Variants in CPNE4 observed in about 807,000 individuals in gnomAD.
CPNE4 encodes the protein copine-4.
A neutral mutation model predicts 67.9 loss-of-function variants in CPNE4; 25 were observed. The ratio of observed to expected loss-of-function variants is 0.37; its 90% CI spans 0.27 to 0.51. CPNE4 has a LOEUF of 0.51. Ranked by LOEUF, CPNE4 falls within the 20% of genes least tolerant of loss-of-function variation. CPNE4 has a pLI of 0.93. For synonymous variants in CPNE4, 242 were observed against 244.9 expected (o/e 0.99, Z 0.11); for missense variants, 464 against 690.8 (o/e 0.67, Z 3.68).
intron 2 of CPNE4, among the ~76,000 whole-genome samples, chr3:131,817,234 T>C (rs1436363390): frequency 6.6e-6 from 1 of 152,096 alleles, no homozygotes; most frequent in Non-Finnish European, 1.5e-5. Flanking sequence ...GTAGCCGTGA[T>C]GTGCAGTTTG....
At chr3:131,824,847 G>A (rs2085092900) in intron 2 of CPNE4, among the ~76,000 whole-genome samples, 1 of 152,044 alleles carries the variant, frequency 6.6e-6, no homozygotes, top group Non-Finnish European at 1.5e-5. Flanking sequence ...GCAAATTGGG[G>A]AGCAGGAAGC....
intron 7 of CPNE4, among the ~76,000 whole-genome samples, chr3:131,653,310 A>G (rs149662492): frequency 0.014 from 2,024 of 148,722 alleles, 42 homozygotes; most frequent in African/African-American, 0.048. Flanking sequence ...ACGCCTGGCT[A>G]ATTTTTTTGT....
At chr3:131,852,651 C>A (rs1018292616) in intron 2 of CPNE4, among the ~76,000 whole-genome samples, 1 of 151,528 alleles carries the variant, frequency 6.6e-6, no homozygotes, top group Non-Finnish European at 1.5e-5. Flanking sequence ...TAGTGTACTG[C>A]ATGTTTCAGC....
intron 1 of CPNE4, among the ~76,000 whole-genome samples, chr3:131,912,448 TAGTACATCC>T (rs147966872): frequency 0.019 from 2,834 of 151,944 alleles, 44 homozygotes; most frequent in Non-Finnish European, 0.029. Flanking sequence ...TAAAATGTCA[TAGTACATCC>T]AGGGAAGGCT....
intron 1 of CPNE4, among the ~76,000 whole-genome samples, chr3:131,975,923 T>A (rs1201881591): frequency 6.6e-6 from 1 of 151,984 alleles, no homozygotes. Context: ...AAACAATAAA[T>A]TAAATAATTT....
intron 7 of CPNE4, among the ~76,000 whole-genome samples, chr3:131,657,025 C>G (rs2079989634): frequency 6.6e-6 from 1 of 152,238 alleles, no homozygotes; most frequent in Admixed American, 6.5e-5. Flanking sequence ...ACCGTAAGCC[C>G]TTTCAATGCC....
intron 8 of CPNE4, among the ~76,000 whole-genome samples, chr3:131,585,257 T>C (rs1390815089): frequency 2.0e-5 from 3 of 152,242 alleles, no homozygotes; most frequent in Non-Finnish European, 2.9e-5. Context: ...CATTCTATCC[T>C]GACTCCCACC....
chr3:131,872,614 T>A (rs916362751), intron 2 of CPNE4, among the ~76,000 whole-genome samples: 11 of 152,188 alleles, frequency 7.2e-5, no homozygotes, highest in African/African-American at 2.4e-4. Flanking sequence ...AAATAATCAG[T>A]CACCCTGTGA....
intron 2 of CPNE4, among the ~76,000 whole-genome samples, chr3:131,773,814 C>T (rs1368892778): frequency 2.0e-5 from 3 of 152,062 alleles, no homozygotes; most frequent in Non-Finnish European, 4.4e-5. Flanking sequence ...TGTGAAATCT[C>T]GCATCCTGTT....
intron 1 of CPNE4, among the ~76,000 whole-genome samples, chr3:132,026,130 A>T (rs991582857): frequency 1.1e-4 from 17 of 152,370 alleles, no homozygotes; most frequent in African/African-American, 3.8e-4. Context: ...AAATGAGAGC[A>T]GGCGTAGAAT....
At chr3:131,964,617 G>A (rs891987670) in intron 1 of CPNE4, among the ~76,000 whole-genome samples, 2 of 151,408 alleles carry the variant, frequency 1.3e-5, no homozygotes, top group African/African-American at 4.9e-5. Context: ...CAGAAGAAAG[G>A]ATATCAGAGA....
At chr3:132,019,780 A>T (rs2073954384) in intron 1 of CPNE4, among the ~76,000 whole-genome samples, 1 of 152,204 alleles carries the variant, frequency 6.6e-6, no homozygotes, top group Non-Finnish European at 1.5e-5. Context: ...AGTTCTAATA[A>T]GAATTAGAAC....
intron 1 of CPNE4, among the ~76,000 whole-genome samples, chr3:132,020,503 T>C (rs1259048054): frequency 6.6e-6 from 1 of 152,206 alleles, no homozygotes; most frequent in Non-Finnish European, 1.5e-5. Context: ...GGAACTCCAG[T>C]TCCTGAAGGG....
intron 5 of CPNE4, among the ~76,000 whole-genome samples, chr3:131,690,167 T>C (rs1375555148): frequency 6.6e-6 from 1 of 152,172 alleles, no homozygotes; most frequent in Non-Finnish European, 1.5e-5. Context: ...AAACATAGTT[T>C]TCACAGAATT....
chr3:131,999,929 T>C (rs2073387388), intron 1 of CPNE4, among the ~76,000 whole-genome samples: 1 of 152,016 alleles, frequency 6.6e-6, no homozygotes, highest in Non-Finnish European at 1.5e-5. Flanking sequence ...CATTCAATTG[T>C]TTATATGGTT....
chr3:131,746,527 GTCTT>G (rs1477317001), intron 2 of CPNE4, among the ~76,000 whole-genome samples: 2 of 152,150 alleles, frequency 1.3e-5, no homozygotes, highest in Non-Finnish European at 2.9e-5. Flanking sequence ...GGTGGTATCT[GTCTT>G]TCTGTGCCAG....
intron 7 of CPNE4, among the ~76,000 whole-genome samples, chr3:131,659,513 A>G (rs756646384): frequency 6.6e-6 from 1 of 152,224 alleles, no homozygotes; most frequent in Non-Finnish European, 1.5e-5. Flanking sequence ...CTTTACTTTC[A>G]ACTAGAGACC....
chr3:131,846,549 A>G (rs1362550995), intron 2 of CPNE4, among the ~76,000 whole-genome samples: 1 of 152,102 alleles, frequency 6.6e-6, no homozygotes, highest in Non-Finnish European at 1.5e-5. Context: ...CTCAAAATAG[A>G]TGTAGTAAGA....
intron 2 of CPNE4, among the ~76,000 whole-genome samples, chr3:131,801,331 C>T (rs2084092084): frequency 8.4e-6 from 1 of 118,640 alleles, no homozygotes; most frequent in Non-Finnish European, 1.6e-5. Context: ...TCACTGGAAA[C>T]CATACATATA....
Sources: allele counts gnomAD v4.1 joint callset (sites outside exome capture counted in the v4.1 genomes callset), GRCh38; gene constraint gnomAD v4.1.1; transcripts MANE v1.5; gene names NCBI Gene and HGNC (gene_info 2026-07-23, HGNC 2026-07-21).